Variants in STON1 observed in about 807,000 individuals in gnomAD.
STON1 encodes the protein stonin 1, also known as stonin-1.
A neutral mutation model predicts 60.9 loss-of-function variants in STON1; 79 were observed. That is an observed-to-expected ratio of 1.30 (90% confidence interval 1.08 to 1.56). STON1 has a LOEUF of 1.56. Ranked by LOEUF, STON1 falls within the 40% of genes most tolerant of loss-of-function variation. The pLI is 0.00. For synonymous variants in STON1, 363 were observed against 306.9 expected, an observed-to-expected ratio of 1.18 and a Z score of -1.91; for missense variants, 1,166 against 858.9, an observed-to-expected ratio of 1.36 and a Z score of -4.47.
chr2:48,582,711 C>G (rs1362840081), intron 2 of STON1, 148 bp downstream of exon 2: 4 of 1,357,388 alleles, frequency 2.9e-6, no homozygotes, highest in African/African-American at 1.5e-5. Context: ...TTTAGCTAAA[C>G]AGCTGGTTTA....
intron 1 of STON1, chr2:48,531,100 C>A (rs1671192384): frequency 6.6e-6 from 1 of 152,180 alleles, no homozygotes; most frequent in South Asian, 2.1e-4. Flanking sequence ...TTTTTGACTT[C>A]AGTCCACACT....
At chr2:48,572,407 G>A (rs1415285171) in intron 1 of STON1, among the ~76,000 whole-genome samples, 1 of 152,172 alleles carries the variant, frequency 6.6e-6, no homozygotes, top group Non-Finnish European at 1.5e-5. Flanking sequence ...CTGGACGGGG[G>A]TGAAAGGTGG....
intron 1 of STON1, among the ~76,000 whole-genome samples, chr2:48,553,348 A>ACCCTTCCCTTCCCTTCTCTT (rs1381284765): frequency 9.3e-5 from 14 of 150,850 alleles, no homozygotes; most frequent in Non-Finnish European, 1.5e-4. Flanking sequence ...CTCTCTGTAG[A>ACCCTTCCCTTCCCTTCTCTT]CCCTTCCCTT....
At chr2:48,564,899 A>AT (rs1182391273) in intron 1 of STON1, among the ~76,000 whole-genome samples, 60 of 140,278 alleles carry the variant, frequency 4.3e-4, no homozygotes, top group Middle Eastern at 8.9e-3. Context: ...CGCCCGGCTA[A>AT]TTTTTGTATT....
intron 1 of STON1, among the ~76,000 whole-genome samples, chr2:48,578,548 T>TCC (rs1673664902): frequency 7.0e-6 from 1 of 142,738 alleles, no homozygotes; most frequent in Non-Finnish European, 1.5e-5. Flanking sequence ...CTTCTCCTCC[T>TCC]TCTCCTCCTT....
In STON1 at chr2:48,598,111, G is replaced by A. The variant is rs1467045181; in HGVS notation, c.*2809G>A. Reference sequence around the variant, plus strand: ...TTCCAGTTACAGGATCATATTAACTGTGTAAATGAATTCATGGGTAGATGA... The same window carrying A: ...TTCCAGTTACAGGATCATATTAACTATGTAAATGAATTCATGGGTAGATGA... On this transcript the variant is annotated 3_prime_UTR_variant, in exon 4 of 4. Coordinates refer to ENST00000404752, the MANE Select transcript of STON1 (RefSeq NM_006873.4). 6.6e-6 allele frequency: 1 copy of A among 152,150 alleles called. No homozygotes were observed. The highest frequency in any genetic ancestry group is 1.5e-5 in the Non-Finnish European group (1 of 68,028). The allele number at this position is 152,150 out of a possible 1,614,324, so 9.4% of individuals were successfully genotyped here. A position where few individuals can be genotyped will look rare whatever the true frequency, so the allele number is the denominator to read the frequency against.
chr2:48,591,146 T>G (rs1211241307), intron 2 of STON1, among the ~76,000 whole-genome samples: 1 of 151,248 alleles, frequency 6.6e-6, no homozygotes, highest in African/African-American at 2.4e-5. Flanking sequence ...ATCTTTTAAT[T>G]AAGGAAAACA....
intron 1 of STON1, among the ~76,000 whole-genome samples, chr2:48,536,835 G>A (rs904825147): frequency 6.6e-6 from 1 of 152,188 alleles, no homozygotes; most frequent in East Asian, 1.9e-4. Context: ...CCCTATAAAT[G>A]TCTTCTACAA....
intron 1 of STON1, among the ~76,000 whole-genome samples, chr2:48,562,906 C>T (rs2103832017): frequency 6.6e-6 from 1 of 152,310 alleles, no homozygotes; most frequent in South Asian, 2.1e-4. Context: ...TTGGACAACA[C>T]TTGGTTGAAC....
intron 1 of STON1, among the ~76,000 whole-genome samples, chr2:48,554,191 C>T (rs1672214119): frequency 6.6e-6 from 1 of 152,104 alleles, no homozygotes; most frequent in Non-Finnish European, 1.5e-5. Flanking sequence ...CCTGAGGAGG[C>T]TGGGTGTTAC....
At position 48,554,732 on chromosome 2, in the gene STON1, T is replaced by TTATTTATTTATA. The variant is rs1558589179; in HGVS notation, c.-48+24525_-48+24526insATATATTTATTT. ...ATTTTTTTTTTTTTTTTTTATTTAT[T>TTATTTATTTATA]TATTTATTTTTTTATTGATAATTCT... On this transcript the variant is annotated intron_variant, in intron 1 of 3. Transcript: ENST00000404752. 5.8e-5 allele frequency among the ~76,000 whole-genome samples: 4 copies of TTATTTATTTATA among 68,558 alleles called. 1 individual carries two copies. Among genetic ancestry groups the TTATTTATTTATA allele is most frequent in the African/African-American group, 2.0e-4 (4 of 19,522 alleles). 45.0% of individuals were successfully genotyped at this position (68,558 alleles called of 152,430 possible).
intron 1 of STON1, among the ~76,000 whole-genome samples, chr2:48,540,076 C>A (rs566151383): frequency 2.0e-5 from 3 of 152,138 alleles, no homozygotes; most frequent in Admixed American, 6.5e-5. Flanking sequence ...CTCTATGAGC[C>A]CCTTGGCCTC....
At chr2:48,532,532 T>C (rs1440291485) in intron 1 of STON1, among the ~76,000 whole-genome samples, 2 of 152,068 alleles carry the variant, frequency 1.3e-5, no homozygotes, top group African/African-American at 4.8e-5. Flanking sequence ...CAGATAAAAA[T>C]CTTCAGTCTC....
intron 1 of STON1, among the ~76,000 whole-genome samples, chr2:48,549,926 C>A (rs1373882984): frequency 6.6e-6 from 1 of 151,740 alleles, no homozygotes; most frequent in East Asian, 1.9e-4. Flanking sequence ...TCCTCAACAT[C>A]AGGCCAGCTC....
At chr2:48,550,071 G>A (rs767195453) in intron 1 of STON1, among the ~76,000 whole-genome samples, 1 of 152,034 alleles carries the variant, frequency 6.6e-6, no homozygotes, top group African/African-American at 2.4e-5. Context: ...TCTAGTAGAT[G>A]CTCTAGTTGA....
In STON1 at chr2:48,573,765, C is replaced by G. The variant is rs560509861; in HGVS notation, c.-47-6822C>G. Among the ~76,000 whole-genome samples, 7 of 152,282 alleles carry G rather than the reference C, an allele frequency of 4.6e-5. No individual in the cohort carries two copies. In the South Asian group the frequency reaches 1.5e-3, roughly 32 times the overall value. On this transcript the variant is annotated intron_variant, in intron 1 of 3. Transcript: ENST00000404752. Reference sequence around the variant, plus strand: ...TTTCAAAGTAACTAAAAAGTGGAAACAAACCAAATGTCTATCAACTGATAA... The same window carrying G: ...TTTCAAAGTAACTAAAAAGTGGAAAGAAACCAAATGTCTATCAACTGATAA...
intron 2 of STON1, among the ~76,000 whole-genome samples, chr2:48,582,983 C>T (rs962314012): frequency 6.6e-6 from 1 of 152,232 alleles, no homozygotes; most frequent in African/African-American, 2.4e-5. Context: ...TCAGCTGATA[C>T]CACTTCTTCC....
At chr2:48,548,065 C>G (rs548871094) in intron 1 of STON1, among the ~76,000 whole-genome samples, 3 of 152,306 alleles carry the variant, frequency 2.0e-5, no homozygotes, top group African/African-American at 7.2e-5. Context: ...TGGTGACCAG[C>G]CTTTGGTAAC....
At chr2:48,561,851 C>T (rs917183067) in intron 1 of STON1, among the ~76,000 whole-genome samples, 4 of 151,960 alleles carry the variant, frequency 2.6e-5, no homozygotes, top group Admixed American at 2.6e-4. Flanking sequence ...TATGAAGTTC[C>T]CACATTACTT....
Sources: gnomAD v4.1 joint callset for allele counts (sites outside exome capture counted in the v4.1 genomes callset) on GRCh38, gnomAD v4.1.1 for gene constraint, MANE v1.5 for transcripts, NCBI Gene and HGNC (gene_info 2026-07-23, HGNC 2026-07-21) for gene names.